The following RAB11FIP1 variants were observed in gnomAD, a reference collection of about 807,000 sequenced individuals.
RAB11FIP1 encodes the protein RAB11 family interacting protein 1.
RAB11FIP1 carries 49 observed loss-of-function variants against 83.1 expected under a neutral mutation model. The ratio of observed to expected loss-of-function variants is 0.59; its 90% CI spans 0.47 to 0.75. RAB11FIP1 has a LOEUF of 0.75. RAB11FIP1 is among the 30% of genes least tolerant of loss of function. The probability of loss-of-function intolerance (pLI) is 0.00; values close to 1 mark genes in which losing one functional copy is unlikely to be tolerated. For missense variants in RAB11FIP1, 1,536 were observed against 1,598.7 expected (o/e 0.96, Z 0.67); for synonymous variants, 670 against 656.0 (o/e 1.02, Z -0.33).
At chr8:37,883,302 G>A (rs1235145297) in intron 1 of RAB11FIP1, among the ~76,000 whole-genome samples, 5 of 151,978 alleles carry the variant, frequency 3.3e-5, no homozygotes, top group African/African-American at 1.2e-4. Flanking sequence ...GGGTTCAACC[G>A]ATTCTCCTGC....
chr8:37,880,767 CAAAAA>C (rs36034479), intron 1 of RAB11FIP1, among the ~76,000 whole-genome samples: 1 of 84,778 alleles, frequency 1.2e-5, no homozygotes, highest in African/African-American at 4.0e-5. Flanking sequence ...CTATCCCTTT[CAAAAA>C]AAAAAAAAAA....
chr8:37,876,075 A>T (rs1806599512), intron 2 of RAB11FIP1, among the ~76,000 whole-genome samples: 1 of 152,120 alleles, frequency 6.6e-6, no homozygotes, highest in South Asian at 2.1e-4. Flanking sequence ...CGGACCTGGA[A>T]TCCCAGCTAT....
chr8:37,898,041 G>A (rs1807127710), intron 1 of RAB11FIP1, among the ~76,000 whole-genome samples: 1 of 152,222 alleles, frequency 6.6e-6, no homozygotes. Flanking sequence ...TCGGCTCGAA[G>A]TGTTCTTCTA....
At position 37,891,728 on chromosome 8, in the gene RAB11FIP1, C is replaced by G. The variant is rs372278968; in HGVS notation, c.371+7343G>C. ...ATGCAAAAAACATTTAACTGGTTCA[C>G]TTACTTGAGAATTTTTTTTTCATTT... On this transcript the variant is annotated intron_variant, in intron 1 of 5. Transcript: ENST00000330843. Among the ~76,000 whole-genome samples the G allele has an allele frequency of 1.7e-3, 259 of 152,260 alleles. 4 individuals carry two copies. The highest frequency in any genetic ancestry group is 5.9e-3 in the African/African-American group (245 of 41,548).
chr8:37,892,983 T>A (rs967013095), intron 1 of RAB11FIP1, among the ~76,000 whole-genome samples: 1 of 152,142 alleles, frequency 6.6e-6, no homozygotes, highest in East Asian at 1.9e-4. Flanking sequence ...CTTTAAATCA[T>A]GTCCTTCCTG....
At chr8:37,876,205 A>AAAAGG (rs1806603345) in intron 2 of RAB11FIP1, among the ~76,000 whole-genome samples, 1 of 123,286 alleles carries the variant, frequency 8.1e-6, no homozygotes, top group Non-Finnish European at 1.8e-5. Flanking sequence ...AAAAGAAAAG[A>AAAAGG]AAAGAAAGAA....
At chr8:37,877,585 A>G in intron 1 of RAB11FIP1, 34 bp from the exon 2 acceptor site, 1 of 1,418,794 alleles carries the variant, frequency 7.0e-7, no homozygotes, top group Non-Finnish European at 9.7e-7. Context: ...TTACCTTTGA[A>G]TGGAAGCAAC....
intron 5 of RAB11FIP1, among the ~76,000 whole-genome samples, chr8:37,865,315 C>T (rs77400496): frequency 4.9e-5 from 7 of 142,948 alleles, no homozygotes; most frequent in Non-Finnish European, 9.1e-5. Context: ...TCCTGGGATT[C>T]TTTTTTTTTT....
In RAB11FIP1 at chr8:37,877,470, G is replaced by C. The variant is rs777751490; in HGVS notation, c.453C>G (p.Asn151Lys). The C allele has an allele frequency of 1.2e-6, 2 of 1,613,452 alleles. No homozygotes were observed. The highest frequency in any genetic ancestry group is 2.2e-5 in the East Asian group (1 of 44,874). Reference protein sequence around the residue: ...EIEVDIQFMRNNMTASMFDLS... With the variant: ...EIEVDIQFMRKNMTASMFDLS... ...GGTCAAACATGCTGGCAGTCATGTT[G>C]TTTCTCATAAACTGGATGTCAACCT... is the stretch of plus-strand genomic sequence containing the variant. The change falls in exon 2 of 6, where the codon AAC (asparagine) becomes AAG (lysine). Residue 151 changes from asparagine (N) to lysine (K), a missense_variant. Coordinates refer to ENST00000330843, the MANE Select transcript of RAB11FIP1 (RefSeq NM_001002814.3).
At chr8:37,864,804 C>T (rs1206009426) in intron 5 of RAB11FIP1, among the ~76,000 whole-genome samples, 1 of 152,174 alleles carries the variant, frequency 6.6e-6, no homozygotes, top group Non-Finnish European at 1.5e-5. Context: ...CATGCATTCA[C>T]GATGCACCTC....
In RAB11FIP1 at chr8:37,880,600, A is replaced by AT. The variant is rs200406048; in HGVS notation, c.372-3050dup. On this transcript the variant is annotated intron_variant, in intron 1 of 5. Coordinates refer to ENST00000330843, the MANE Select transcript of RAB11FIP1 (RefSeq NM_001002814.3). The stretch of plus-strand genomic sequence containing the variant: ...TAAGCCACCAAGCGTGGCTAAAAAT[A>AT]TTTTTTTTTAATTAGCTGGGTGCAG... Among the ~76,000 whole-genome samples, 1,471 of 151,306 alleles carry AT rather than the reference A, an allele frequency of 9.7e-3. 13 individuals carry two copies. The highest frequency in any genetic ancestry group is 0.014 in the Non-Finnish European group (935 of 67,754).
chr8:37,870,784 G>A (rs1806436866), intron 4 of RAB11FIP1: 1 of 413,606 alleles, frequency 2.4e-6, no homozygotes, highest in South Asian at 5.6e-5. Flanking sequence ...CCTTGGTCTT[G>A]TTACAAACAT....
At position 37,858,927 on chromosome 8, in the gene RAB11FIP1, T is replaced by A. The variant is rs923493186; in HGVS notation, c.*3968A>T. 2.0e-5 allele frequency: 3 copies of A among 151,666 alleles called. No homozygotes were observed. The highest frequency in any genetic ancestry group is 2.9e-5 in the Non-Finnish European group (2 of 67,990). The allele number at this position is 151,666 out of a possible 1,614,324, so 9.4% of individuals were successfully genotyped here. A position where few individuals can be genotyped will look rare whatever the true frequency, so the allele number is the denominator to read the frequency against. On this transcript the variant is annotated 3_prime_UTR_variant, in exon 6 of 6. Transcript: ENST00000330843. The stretch of plus-strand genomic sequence containing the variant: ...ACAAAATAAATTTTTATTGCACCCA[T>A]ACCAAACTACAGACACAAATCTTTG...
At chr8:37,863,290 G>T (rs1278258572) in intron 5 of RAB11FIP1, among the ~76,000 whole-genome samples, 177 bp from the exon 6 acceptor site, 1 of 151,644 alleles carries the variant, frequency 6.6e-6, no homozygotes, top group East Asian at 1.9e-4. Flanking sequence ...CTGTCACCCA[G>T]CCTGGAGTGC....
rs1384054701 is a variant in RAB11FIP1, at chr8:37,874,983, G to A, written c.1154C>T (p.Ser385Phe). ...CATAGACTTCAAGGAGTCCTTGGTGGAAGATTCGGAGAGCTGCCTGTCAGA... is the reference window on the plus strand; with the variant it reads ...CATAGACTTCAAGGAGTCCTTGGTGAAAGATTCGGAGAGCTGCCTGTCAGA... ...LSSDRQLSES[S>F]TKDSLKSMTL... The change falls in exon 3 of 6, where the codon TCC (serine) becomes TTC (phenylalanine). Residue 385 changes from serine to phenylalanine, a missense_variant. Transcript: ENST00000330843. The A allele has an allele frequency of 1.9e-6, 3 of 1,614,018 alleles. No individual in the cohort carries two copies. The highest frequency in any genetic ancestry group is 2.2e-5 in the East Asian group (1 of 44,886).
intron 1 of RAB11FIP1, among the ~76,000 whole-genome samples, chr8:37,878,533 C>CAA (rs918942295): frequency 0.012 from 267 of 23,124 alleles, no homozygotes; most frequent in East Asian, 0.015. Context: ...GACTCCATCT[C>CAA]AAAAAAAAAA....
chr8:37,885,304 T>C (rs1368859479), intron 1 of RAB11FIP1, among the ~76,000 whole-genome samples: 1 of 152,200 alleles, frequency 6.6e-6, no homozygotes, highest in Non-Finnish European at 1.5e-5. Context: ...CCCCAGCCTA[T>C]ATTTTTAAGT....
chr8:37,899,412 G>A lies in RAB11FIP1; in HGVS notation c.30C>T (p.Gly10=), dbSNP rs1563378076. Residue 10 remains glycine (G), a synonymous_variant, in exon 1 of 6, where the codon GGC becomes GGT. Coordinates refer to ENST00000330843, the MANE Select transcript of RAB11FIP1 (RefSeq NM_001002814.3). The surrounding 1 kb of genome is among the most constrained non-coding windows in gnomAD (Gnocchi z 4.5). ...GGGTTGGGGACCACACGGCCCCCAG[G>A]CCCCGGCCAGCCGAGACCATTAGGG... MSLMVSAGR[G]LGAVWSPTHV... is the part of the protein sequence containing the mutation. 1.3e-6 allele frequency: 2 copies of A among 1,583,464 alleles called. No individual in the cohort carries two copies. The highest frequency in any genetic ancestry group is 3.5e-5 in the Admixed American group (2 of 56,342).
At chr8:37,876,446 T>A (rs919819495) in intron 2 of RAB11FIP1, among the ~76,000 whole-genome samples, 4 of 151,548 alleles carry the variant, frequency 2.6e-5, no homozygotes, top group African/African-American at 9.7e-5. Flanking sequence ...AAATTTTTTT[T>A]AATTAATCAG....
Sources: gnomAD v4.1 joint callset for allele counts (sites outside exome capture counted in the v4.1 genomes callset) on GRCh38, gnomAD v4.1.1 for gene constraint, Gnocchi (gnomAD v3.1) non-coding constraint, MANE v1.5 for transcripts, NCBI Gene and HGNC (gene_info 2026-07-23, HGNC 2026-07-21) for gene names.